The following HDHD2 variants were observed in gnomAD, a reference collection of about 807,000 sequenced individuals.
HDHD2 encodes haloacid dehalogenase like hydrolase domain containing 2, also known as haloacid dehalogenase-like hydrolase domain-containing protein 2.
In HDHD2, 26 loss-of-function variants were observed where a neutral mutation model predicts 24.8. That is an observed-to-expected ratio of 1.05 (90% CI 0.77 to 1.45). HDHD2 has a LOEUF of 1.45. Among genes scored for constraint, HDHD2 ranks in the 40% most tolerant of loss-of-function variants. The pLI is 0.00. For missense variants in HDHD2, 299 were observed against 313.4 expected, an observed-to-expected ratio of 0.95 and a Z score of 0.35; for synonymous variants, 128 against 114.9, an observed-to-expected ratio of 1.11 and a Z score of -0.73.
At chr18:47,123,523 G>T (rs759735479) in intron 4 of HDHD2, among the ~76,000 whole-genome samples, 2 of 152,104 alleles carry the variant, frequency 1.3e-5, no homozygotes, top group Non-Finnish European at 2.9e-5. Flanking sequence ...GGAGGCAGAG[G>T]TTACAGTGAG....
chr18:47,108,639 A>G lies in HDHD2; in HGVS notation c.*43T>C, dbSNP rs772919417. On this transcript the variant is annotated 3_prime_UTR_variant, in exon 7 of 7. Transcript: ENST00000300605. ...GTTGGTAAGGGATTCATTCCAGACAATAAGAAGCTGCATTTCAAGTTGCTT... is the reference window on the plus strand; with the variant it reads ...GTTGGTAAGGGATTCATTCCAGACAGTAAGAAGCTGCATTTCAAGTTGCTT... 7.3e-5 allele frequency: 78 copies of G among 1,064,916 alleles called. 1 individual carries two copies. The Middle Eastern group carries it at 1.2e-3, about 16-fold the overall frequency. The allele number at this position is 1,064,916 out of a possible 1,614,324, so 66.0% of individuals were successfully genotyped here. A position where few individuals can be genotyped will look rare whatever the true frequency, so the allele number is the denominator to read the frequency against.
Position 47,110,606 on chromosome 18 carries a change from G to T in HDHD2, c.677-1821C>A, listed in dbSNP as rs955420753. ...TACAAAATAGAAATTGACAAAAGTG[G>T]CTTAGGTATATGTTTTAGTTCTAGC... is the stretch of plus-strand genomic sequence containing the variant. On this transcript the variant is annotated intron_variant, in intron 6 of 6. Coordinates refer to ENST00000300605, the MANE Select transcript of HDHD2 (RefSeq NM_032124.5). 4 of 985,172 alleles carry T rather than the reference G, an allele frequency of 4.1e-6. No individual in the cohort carries two copies. The African/African-American group carries it at 7.0e-5, about 17-fold the overall frequency. 61.0% of individuals were successfully genotyped at this position (985,172 alleles called of 1,614,324 possible). A position where few individuals can be genotyped will look rare whatever the true frequency, so the allele number is the denominator to read the frequency against.
At chr18:47,131,165 C>T (rs1490820383) in intron 3 of HDHD2, among the ~76,000 whole-genome samples, 2 of 151,984 alleles carry the variant, frequency 1.3e-5, no homozygotes, top group Non-Finnish European at 2.9e-5. Flanking sequence ...TTGGTAGAGA[C>T]GGGGTTTCTC....
At chr18:47,110,477 T>C in intron 6 of HDHD2, 10 of 984,878 alleles carry the variant, frequency 1.0e-5, no homozygotes, top group Non-Finnish European at 1.2e-5. Flanking sequence ...AATATTACTA[T>C]ATGACCTACT....
intron 4 of HDHD2, among the ~76,000 whole-genome samples, chr18:47,119,625 T>A (rs750180946): frequency 1.3e-5 from 2 of 152,212 alleles, no homozygotes; most frequent in Non-Finnish European, 2.9e-5. Context: ...AAGTCATCCA[T>A]GAGGGTTAAA....
intron 4 of HDHD2, among the ~76,000 whole-genome samples, chr18:47,119,442 C>G (rs1328675787): frequency 6.6e-6 from 1 of 152,236 alleles, no homozygotes; most frequent in Admixed American, 6.5e-5. Flanking sequence ...GATTCCATCT[C>G]AAGAAACCAC....
Position 47,115,349 on chromosome 18 carries a change from C to G in HDHD2, c.396-1G>C, listed in dbSNP as rs770850369. On this transcript the variant is annotated splice_acceptor_variant, in intron 4 of 6. Coordinates refer to ENST00000300605, the MANE Select transcript of HDHD2 (RefSeq NM_032124.5). LOFTEE classifies it high-confidence loss of function. ...CAGAGGTGCTCCATCCAGGAGTAAC[C>G]TAGAGAGAACAACAACAAAAAAAAC... The G allele has an allele frequency of 6.2e-7, 1 of 1,607,424 alleles. No individual in the cohort carries two copies. Among genetic ancestry groups the G allele is most frequent in the South Asian group, 1.1e-5 (1 of 89,752 alleles).
rs533537210 is a variant in HDHD2, at chr18:47,140,322, C to T, written c.-10-3873G>A. 2.6e-5 allele frequency among the ~76,000 whole-genome samples: 4 copies of T among 152,324 alleles called. No individual in the cohort carries two copies. In the South Asian group the frequency reaches 8.3e-4, roughly 32 times the overall value. On this transcript the variant is annotated intron_variant, in intron 1 of 6. Transcript: ENST00000300605. ...ATTATATTGCCATCCTATCCATCAA[C>T]ATACTGTATCTCTCCATTCACATAA...
At chr18:47,128,922 T>G (rs912460573) in intron 4 of HDHD2, among the ~76,000 whole-genome samples, 1 of 152,188 alleles carries the variant, frequency 6.6e-6, no homozygotes, top group African/African-American at 2.4e-5. Context: ...AGTATATACA[T>G]GAAGAAATGA....
intron 4 of HDHD2, among the ~76,000 whole-genome samples, chr18:47,122,193 T>C (rs1311774022): frequency 6.6e-6 from 1 of 152,242 alleles, no homozygotes; most frequent in African/African-American, 2.4e-5. Context: ...TCTGCATGCC[T>C]CAGTGTCCTG....
chr18:47,143,409 C>T (rs994189337), intron 1 of HDHD2, among the ~76,000 whole-genome samples: 3 of 152,188 alleles, frequency 2.0e-5, no homozygotes, highest in Non-Finnish European at 4.4e-5. Flanking sequence ...GTCAGGGCAA[C>T]ACAGTGAGAC....
chr18:47,148,197 C>T (rs894931160), intron 1 of HDHD2, among the ~76,000 whole-genome samples: 1 of 152,038 alleles, frequency 6.6e-6, no homozygotes, highest in Admixed American at 6.6e-5. Flanking sequence ...CACCACGTTG[C>T]CCAGGATGGT....
At chr18:47,125,154 CCT>C (rs879520705) in intron 4 of HDHD2, among the ~76,000 whole-genome samples, 4 of 151,744 alleles carry the variant, frequency 2.6e-5, no homozygotes, top group Non-Finnish European at 5.9e-5. Context: ...AGAGCAAGAC[CCT>C]GTCTTTGAAA....
intron 1 of HDHD2, among the ~76,000 whole-genome samples, chr18:47,144,241 C>G (rs1377735793): frequency 2.6e-5 from 4 of 152,130 alleles, no homozygotes; most frequent in Non-Finnish European, 4.4e-5. Context: ...TTATCTTTTT[C>G]CCCATGGGCC....
At chr18:47,138,908 T>C (rs545784842) in intron 1 of HDHD2, among the ~76,000 whole-genome samples, 1 of 152,314 alleles carries the variant, frequency 6.6e-6, no homozygotes, top group Admixed American at 6.5e-5. Context: ...TCATACCCTT[T>C]ACATTCAATC....
chr18:47,133,313 A>G lies in HDHD2; in HGVS notation c.310+1183T>C, dbSNP rs559473645. Among the ~76,000 whole-genome samples the G allele has an allele frequency of 2.8e-3, 419 of 152,200 alleles. 2 individuals are homozygous for G. The highest frequency in any genetic ancestry group is 3.7e-3 in the Non-Finnish European group (255 of 68,010). On this transcript the variant is annotated intron_variant, in intron 3 of 6. Coordinates refer to ENST00000300605, the MANE Select transcript of HDHD2 (RefSeq NM_032124.5). ...TTCCAGCTTCATCCATGTCCCTACA[A>G]AGGACATGAACTCATCCTTTTTTAT...
intron 1 of HDHD2, among the ~76,000 whole-genome samples, chr18:47,143,848 C>T (rs1254927919): frequency 6.6e-6 from 1 of 152,098 alleles, no homozygotes; most frequent in Non-Finnish European, 1.5e-5. Context: ...GCTCAGAAAG[C>T]AATTCCAAAA....
At chr18:47,113,091 C>T (rs1256086957) in intron 5 of HDHD2, 51 bp from the exon 6 acceptor site, 1 of 1,469,766 alleles carries the variant, frequency 6.8e-7, no homozygotes, top group Non-Finnish European at 9.5e-7. Flanking sequence ...GTAAGCTAGC[C>T]AACAAACATT....
intron 1 of HDHD2, among the ~76,000 whole-genome samples, chr18:47,148,783 G>C (rs1237720264): frequency 6.6e-6 from 1 of 152,116 alleles, no homozygotes; most frequent in East Asian, 1.9e-4. Flanking sequence ...CTCTCATCTA[G>C]ACTATTTAAA....
Sources: allele counts gnomAD v4.1 joint callset (sites outside exome capture counted in the v4.1 genomes callset), GRCh38; gene constraint gnomAD v4.1.1; transcripts MANE v1.5; gene names NCBI Gene and HGNC (gene_info 2026-07-23, HGNC 2026-07-21).